The following RGS6 variants were observed in gnomAD, a reference collection of about 807,000 sequenced individuals.
RGS6 encodes the protein regulator of G protein signaling 6, also known as regulator of G-protein signaling 6.
Under a neutral mutation model 78.5 loss-of-function variants are expected in RGS6, and 30 were observed. The ratio of observed to expected loss-of-function variants is 0.38; its 90% CI spans 0.29 to 0.52. The LOEUF is 0.52. RGS6 is among the 20% of genes least tolerant of loss of function. The probability of loss-of-function intolerance (pLI) is 0.85; values close to 1 mark genes in which losing one functional copy is unlikely to be tolerated. For missense variants in RGS6, 495 were observed against 609.7 expected (o/e 0.81, Z 1.98); for synonymous variants, 206 against 206.0 (o/e 1.00, Z 0.00).
In RGS6 at chr14:72,074,882, C is replaced by A. The variant is rs1567153165; in HGVS notation, c.84+110007C>A. Among the ~76,000 whole-genome samples the A allele has an allele frequency of 2.6e-5, 4 of 152,250 alleles. No individual in the cohort carries two copies. The South Asian group carries it at 8.3e-4, about 32-fold the overall frequency. On this transcript the variant is annotated intron_variant, in intron 2 of 17. Coordinates refer to ENST00000553525, the MANE Select transcript of RGS6 (RefSeq NM_001204424.2). Reference sequence around the variant, plus strand: ...TTTCAGAGAAACTTTATTCTCAGTTCTGTTTTGTCTTCAGCTGTCAATATC... The same window carrying A: ...TTTCAGAGAAACTTTATTCTCAGTTATGTTTTGTCTTCAGCTGTCAATATC...
chr14:72,236,816 C>T (rs2051192359), intron 2 of RGS6, among the ~76,000 whole-genome samples: 1 of 152,118 alleles, frequency 6.6e-6, no homozygotes, highest in Admixed American at 6.5e-5. Flanking sequence ...AGCAGAGGTG[C>T]TCCTAACTTC....
chr14:71,985,570 G>A (rs2094673628), intron 2 of RGS6, among the ~76,000 whole-genome samples: 1 of 152,148 alleles, frequency 6.6e-6, no homozygotes, highest in African/African-American at 2.4e-5. Context: ...ATGGTTTTCT[G>A]GAAGGTCAAT....
At chr14:72,152,315 A>G (rs2096706578) in intron 2 of RGS6, among the ~76,000 whole-genome samples, 1 of 151,860 alleles carries the variant, frequency 6.6e-6, no homozygotes, top group Non-Finnish European at 1.5e-5. Context: ...TCCAGCAGGT[A>G]GAAGTTATAA....
At chr14:71,909,576 T>TAGAGAGAG in the RGS6 span, among the ~76,000 whole-genome samples, 43,369 of 145,502 alleles carry the variant, frequency 0.3, 9,118 homozygotes, top group African/African-American at 0.6. Flanking sequence ...AATAAGGACA[T>TAGAGAGAG]AGAGAGAGGG....
chr14:72,396,142 C>A (rs1566725086), intron 3 of RGS6, among the ~76,000 whole-genome samples: 1 of 152,176 alleles, frequency 6.6e-6, no homozygotes, highest in African/African-American at 2.4e-5. Flanking sequence ...AGTTTACAGT[C>A]CCACCAACAG....
chr14:72,359,655 G>A (rs963069735), intron 3 of RGS6, among the ~76,000 whole-genome samples: 1 of 152,196 alleles, frequency 6.6e-6, no homozygotes, highest in African/African-American at 2.4e-5. Flanking sequence ...ATCTATAGAT[G>A]TGAGGGAGAG....
chr14:72,099,543 C>T lies in RGS6; in HGVS notation c.84+134668C>T, dbSNP rs144717760. On this transcript the variant is annotated intron_variant, in intron 2 of 17. Coordinates refer to ENST00000553525, the MANE Select transcript of RGS6 (RefSeq NM_001204424.2). Reference sequence around the variant, plus strand: ...TTAGGCACAGGTGGAGGGAGTCACACATCTGTAAGATTTGTTCCCAGGACA... The same window carrying T: ...TTAGGCACAGGTGGAGGGAGTCACATATCTGTAAGATTTGTTCCCAGGACA... Among the ~76,000 whole-genome samples, 51 of 152,282 alleles carry T rather than the reference C, an allele frequency of 3.3e-4. 1 individual carries two copies. The East Asian group carries it at 9.5e-3, about 28-fold the overall frequency.
chr14:72,031,482 T>TGTGGTA (rs1169682677), intron 2 of RGS6, among the ~76,000 whole-genome samples: 2 of 152,166 alleles, frequency 1.3e-5, no homozygotes, highest in African/African-American at 4.8e-5. Context: ...TTTAGATGCT[T>TGTGGTA]GTGGTAACAT....
intron 2 of RGS6, among the ~76,000 whole-genome samples, chr14:72,341,153 G>A (rs980499230): frequency 4.0e-5 from 6 of 151,278 alleles, no homozygotes; most frequent in East Asian, 3.9e-4. Context: ...TCCACAGGCC[G>A]TACAGGAAGC....
the RGS6 span, among the ~76,000 whole-genome samples, chr14:71,920,963 A>T: frequency 3.6e-3 from 547 of 152,316 alleles, 13 homozygotes; most frequent in Admixed American, 0.032. Context: ...TTTGCAAATT[A>T]TCTGTTAAGG....
chr14:72,128,642 A>G (rs2096252080), intron 2 of RGS6, among the ~76,000 whole-genome samples: 1 of 152,194 alleles, frequency 6.6e-6, no homozygotes, highest in East Asian at 1.9e-4. Flanking sequence ...GATTCATTAA[A>G]TAAACACTCA....
the RGS6 span, among the ~76,000 whole-genome samples, chr14:71,911,871 A>G: frequency 6.6e-6 from 1 of 152,214 alleles, no homozygotes; most frequent in Admixed American, 6.5e-5. Context: ...TCGGCTAAGC[A>G]TATATATTCA....
chr14:72,206,073 A>G (rs1279444670), intron 2 of RGS6, among the ~76,000 whole-genome samples: 3 of 152,166 alleles, frequency 2.0e-5, no homozygotes, highest in Non-Finnish European at 4.4e-5. Flanking sequence ...TACTGTTCAT[A>G]GTAAGAAAAC....
At chr14:72,000,584 G>T (rs1383351086) in intron 2 of RGS6, among the ~76,000 whole-genome samples, 1 of 152,172 alleles carries the variant, frequency 6.6e-6, no homozygotes, top group Non-Finnish European at 1.5e-5. Flanking sequence ...GCCGGAAGGA[G>T]AACCCAGGAG....
intron 2 of RGS6, among the ~76,000 whole-genome samples, chr14:72,248,561 G>A (rs2054828095): frequency 6.6e-6 from 1 of 152,150 alleles, no homozygotes; most frequent in South Asian, 2.1e-4. Flanking sequence ...AGACCAAAAA[G>A]TTTGAGAACT....
chr14:72,194,608 C>T (rs1171545020), intron 2 of RGS6, among the ~76,000 whole-genome samples: 1 of 152,168 alleles, frequency 6.6e-6, no homozygotes, highest in Non-Finnish European at 1.5e-5. Context: ...ATGATCCTCC[C>T]ACCTTGGCCT....
At chr14:72,139,210 A>G (rs2096497901) in intron 2 of RGS6, among the ~76,000 whole-genome samples, 1 of 152,352 alleles carries the variant, frequency 6.6e-6, no homozygotes, top group South Asian at 2.1e-4. Flanking sequence ...CCTGGCTGCC[A>G]TGCATTGAGC....
intron 2 of RGS6, among the ~76,000 whole-genome samples, chr14:72,331,021 A>G (rs2074900218): frequency 1.3e-5 from 2 of 152,176 alleles, no homozygotes; most frequent in African/African-American, 4.8e-5. Flanking sequence ...CAGGCCAGAG[A>G]GGGCTTTCGG....
intron 3 of RGS6, among the ~76,000 whole-genome samples, chr14:72,390,650 A>G (rs1446849229): frequency 1.3e-5 from 2 of 152,184 alleles, no homozygotes; most frequent in Non-Finnish European, 2.9e-5. Flanking sequence ...TAGAGGTAAA[A>G]TGTTTAGAGG....
Sources: gnomAD v4.1 joint callset for allele counts (sites outside exome capture counted in the v4.1 genomes callset) on GRCh38, gnomAD v4.1.1 for gene constraint, MANE v1.5 for transcripts, NCBI Gene and HGNC (gene_info 2026-07-23, HGNC 2026-07-21) for gene names.